THSD7B: variants seen among roughly 807,000 people sequenced by gnomAD.
THSD7B encodes thrombospondin type-1 domain-containing protein 7B.
In THSD7B, 138 loss-of-function variants were observed where a neutral mutation model predicts 213.6. That is an observed-to-expected ratio of 0.65 (90% CI 0.56 to 0.74). The LOEUF (loss-of-function observed/expected upper bound fraction) is 0.74, where lower values mean the gene tolerates loss of function less well. THSD7B is among the 30% of genes least tolerant of loss of function. The pLI, the probability that THSD7B is intolerant of heterozygous loss-of-function variation, is 0.00. For missense variants in THSD7B, 1,931 were observed against 1,991.5 expected, an observed-to-expected ratio of 0.97 and a Z score of 0.58; for synonymous variants, 742 against 687.0, an observed-to-expected ratio of 1.08 and a Z score of -1.25.
intron 1 of THSD7B, among the ~76,000 whole-genome samples, chr2:136,863,881 C>T (rs1683292619): frequency 1.3e-5 from 2 of 152,110 alleles, no homozygotes; most frequent in South Asian, 2.1e-4. Context: ...TAAAAGTTAT[C>T]CAGCAACGAG....
intron 2 of THSD7B, among the ~76,000 whole-genome samples, chr2:137,035,345 G>T (rs1005571900): frequency 6.6e-6 from 1 of 152,084 alleles, no homozygotes; most frequent in Non-Finnish European, 1.5e-5. Flanking sequence ...GGCATGAGGA[G>T]CTCTCCTTTT....
rs748551585 is a variant in THSD7B at position 137,412,597 on chromosome 2, C to CAAAAAA, written c.2959+733_2959+738dup. 5.8e-3 allele frequency among the ~76,000 whole-genome samples: 140 copies of CAAAAAA among 23,964 alleles called. 42 individuals are homozygous for CAAAAAA. Among genetic ancestry groups the CAAAAAA allele is most frequent in the Non-Finnish European group, 0.01 (114 of 11,218 alleles). 15.7% of individuals were successfully genotyped at this position (23,964 alleles called of 152,430 possible). A position where few individuals can be genotyped will look rare whatever the true frequency, so the allele number is the denominator to read the frequency against. On this transcript the variant is annotated intron_variant, in intron 14 of 27. Coordinates refer to ENST00000409968, the MANE Select transcript of THSD7B (RefSeq NM_001316349.2). ...GGGCAACGAGAGCAAAACTCTGTCT[C>CAAAAAA]AAAAAAAAAAAAACAAAAAAAAACA...
At chr2:136,889,437 T>G (rs1683777074) in intron 2 of THSD7B, among the ~76,000 whole-genome samples, 1 of 152,150 alleles carries the variant, frequency 6.6e-6, no homozygotes. Context: ...TTATGTCTCC[T>G]AGATCTACTC....
chr2:136,947,582 A>G (rs911108960), intron 2 of THSD7B, among the ~76,000 whole-genome samples: 2 of 152,130 alleles, frequency 1.3e-5, no homozygotes, highest in African/African-American at 4.8e-5. Flanking sequence ...CTATTTGAAG[A>G]TTATTTTGGT....
intron 2 of THSD7B, 119 bp downstream of exon 2, chr2:136,882,436 CTTT>C (rs10716943): frequency 0.033 from 35,757 of 1,068,566 alleles, 788 homozygotes; most frequent in South Asian, 0.066. Flanking sequence ...AAAATAGACT[CTTT>C]TTTTTAAATT....
chr2:137,646,979 C>T (rs183507694), intron 21 of THSD7B, among the ~76,000 whole-genome samples: 1 of 152,238 alleles, frequency 6.6e-6, no homozygotes, highest in Admixed American at 6.5e-5. Flanking sequence ...CACAACTTCT[C>T]TATGTTAAGA....
chr2:137,579,529 C>CAT (rs950249600), intron 17 of THSD7B, among the ~76,000 whole-genome samples: 5 of 151,248 alleles, frequency 3.3e-5, no homozygotes, highest in African/African-American at 1.2e-4. Flanking sequence ...CACACACACA[C>CAT]GCGCGTGCGC....
chr2:136,838,245 C>A (rs964897678), intron 1 of THSD7B, among the ~76,000 whole-genome samples: 2 of 152,044 alleles, frequency 1.3e-5, no homozygotes, highest in Admixed American at 1.3e-4. Context: ...TTCTTAAGAT[C>A]TGCTTCCTTG....
chr2:137,499,302 A>T (rs1468832413), intron 15 of THSD7B, among the ~76,000 whole-genome samples: 2 of 152,182 alleles, frequency 1.3e-5, no homozygotes, highest in Non-Finnish European at 2.9e-5. Flanking sequence ...AAAATAGTAT[A>T]CAGATTGCAG....
intron 14 of THSD7B, among the ~76,000 whole-genome samples, chr2:137,418,985 G>A (rs1468793411): frequency 6.6e-6 from 1 of 151,572 alleles, no homozygotes; most frequent in East Asian, 1.9e-4. Context: ...TGGGCTCACT[G>A]CAACCACTGT....
At chr2:137,057,263 C>T (rs2104877716) in intron 3 of THSD7B, 33 bp downstream of exon 3, 3 of 1,515,000 alleles carry the variant, frequency 2.0e-6, no homozygotes, top group African/African-American at 1.4e-5. Context: ...ATTTGATTCA[C>T]CTAAAATATT....
chr2:137,154,392 T>C (rs1679872603), intron 5 of THSD7B, among the ~76,000 whole-genome samples: 1 of 152,132 alleles, frequency 6.6e-6, no homozygotes, highest in South Asian at 2.1e-4. Flanking sequence ...TATCCAGTAA[T>C]AGATATATTT....
At chr2:137,610,154 C>T (rs913686240) in intron 17 of THSD7B, among the ~76,000 whole-genome samples, 1 of 152,022 alleles carries the variant, frequency 6.6e-6, no homozygotes, top group Non-Finnish European at 1.5e-5. Flanking sequence ...TTAGAACCAC[C>T]TAGAGGACTC....
At chr2:137,046,165 T>C (rs1686966290) in intron 2 of THSD7B, among the ~76,000 whole-genome samples, 1 of 152,176 alleles carries the variant, frequency 6.6e-6, no homozygotes, top group Non-Finnish European at 1.5e-5. Context: ...AGACCCTAAC[T>C]GTATGCCTAG....
At chr2:136,997,463 G>C (rs1685915237) in intron 2 of THSD7B, among the ~76,000 whole-genome samples, 1 of 152,182 alleles carries the variant, frequency 6.6e-6, no homozygotes, top group Non-Finnish European at 1.5e-5. Context: ...GATGGAGATA[G>C]TATTTTTAAA....
chr2:137,448,397 G>C (rs556317782), intron 14 of THSD7B, among the ~76,000 whole-genome samples: 1 of 152,310 alleles, frequency 6.6e-6, no homozygotes, highest in East Asian at 1.9e-4. Flanking sequence ...ACGAGCAAAG[G>C]CTCGTGGAGA....
At chr2:136,812,515 T>C (rs915343638) in intron 1 of THSD7B, among the ~76,000 whole-genome samples, 8 of 152,234 alleles carry the variant, frequency 5.3e-5, no homozygotes, top group Non-Finnish European at 1.2e-4. Flanking sequence ...AGCAAAATAG[T>C]TGTAAAATAG....
At chr2:137,066,360 T>C (rs955210772) in intron 3 of THSD7B, among the ~76,000 whole-genome samples, 1 of 151,678 alleles carries the variant, frequency 6.6e-6, no homozygotes, top group Non-Finnish European at 1.5e-5. Context: ...TCTGGCTAAT[T>C]TTTTTGTATT....
chr2:137,606,137 C>T (rs1229150095), intron 17 of THSD7B, among the ~76,000 whole-genome samples: 1 of 152,128 alleles, frequency 6.6e-6, no homozygotes, highest in African/African-American at 2.4e-5. Flanking sequence ...AGATCAGTGA[C>T]ATCTTTCAGG....
Sources: allele counts gnomAD v4.1 joint callset (sites outside exome capture counted in the v4.1 genomes callset), GRCh38; gene constraint gnomAD v4.1.1; transcripts MANE v1.5; gene names NCBI Gene and HGNC (gene_info 2026-07-23, HGNC 2026-07-21).